The following GPC3 variants were observed in gnomAD, a reference collection of about 807,000 sequenced individuals.
GPC3 encodes the protein glypican 3, also known as glypican-3.
A neutral mutation model predicts 34.4 loss-of-function variants in GPC3; 3 were observed. The observed-to-expected ratio is 0.09, with a 90% confidence interval of 0.04 to 0.23. GPC3 has a LOEUF of 0.23. Ranked by LOEUF, GPC3 falls within the 10% of genes least tolerant of loss-of-function variation. The probability of loss-of-function intolerance (pLI) is 1.00; values close to 1 mark genes in which losing one functional copy is unlikely to be tolerated. For missense variants in GPC3, 351 were observed against 445.6 expected (o/e 0.79, Z 1.91); for synonymous variants, 177 against 174.0 (o/e 1.02, Z -0.13).
chrX:133,919,389 C>T (rs190163037), intron 2 of GPC3, among the ~76,000 whole-genome samples: 1 of 111,780 alleles, frequency 8.9e-6, no homozygotes, highest in African/African-American at 3.2e-5. Context: ...CATAATATTA[C>T]CAGAAATAAT....
rs1420021494 is a variant in GPC3, at chrX:133,867,612, C to T, written c.337+85438G>A. Among the ~76,000 whole-genome samples, 6 of 108,891 alleles carry T rather than the reference C, an allele frequency of 5.5e-5. No homozygotes were observed. The East Asian group carries it at 1.2e-3, about 21-fold the overall frequency. 94.6% of individuals were successfully genotyped at this position (108,891 alleles called of 115,157 possible). A position where few individuals can be genotyped will look rare whatever the true frequency, so the allele number is the denominator to read the frequency against. On this transcript the variant is annotated intron_variant, in intron 2 of 7. Coordinates refer to ENST00000370818, the MANE Select transcript of GPC3 (RefSeq NM_004484.4). Reference sequence around the variant, plus strand: ...AAAAGGAGACAGGGAAATACTGGGTCGGAGAGGCCGGTTCCCTGGCAAAGG... The same window carrying T: ...AAAAGGAGACAGGGAAATACTGGGTTGGAGAGGCCGGTTCCCTGGCAAAGG...
At chrX:133,626,052 C>G (rs2070295100) in intron 6 of GPC3, among the ~76,000 whole-genome samples, 1 of 111,760 alleles carries the variant, frequency 8.9e-6, no homozygotes, top group Non-Finnish European at 1.9e-5. Flanking sequence ...CTGACAAAAA[C>G]AAGAAATGGG....
intron 2 of GPC3, among the ~76,000 whole-genome samples, chrX:133,834,447 G>A (rs1039416775): frequency 3.6e-5 from 4 of 111,496 alleles, no homozygotes; most frequent in Admixed American, 1.9e-4. Context: ...AAATTTTATC[G>A]AACACCTACT....
chrX:133,971,269 G>T (rs748519918), intron 1 of GPC3, among the ~76,000 whole-genome samples: 8 of 112,527 alleles, frequency 7.1e-5, no homozygotes, highest in Non-Finnish European at 1.3e-4. Context: ...TATCTGTATA[G>T]AAAGCTTTTT....
At position 133,612,812 on chromosome X, in the gene GPC3, T is replaced by A. The variant is rs959350274; in HGVS notation, c.1414-16213A>T. 3.5e-5 allele frequency among the ~76,000 whole-genome samples: 4 copies of A among 112,706 alleles called. No individual in the cohort carries two copies. The East Asian group carries it at 1.1e-3, about 31-fold the overall frequency. ...AGACTGAGAATAAATGTCAGATTCC[T>A]TTGTCTGTTAATAGAAAATAATAAT... On this transcript the variant is annotated intron_variant, in intron 6 of 7. Transcript: ENST00000370818.
intron 2 of GPC3, among the ~76,000 whole-genome samples, chrX:133,903,567 C>T (rs2076155201): frequency 8.9e-6 from 1 of 112,031 alleles, no homozygotes. Context: ...CCAGCCTGGG[C>T]GACAAGAGCG....
chrX:133,605,891 A>T (rs750867681), intron 6 of GPC3, among the ~76,000 whole-genome samples: 1 of 111,848 alleles, frequency 8.9e-6, no homozygotes, highest in South Asian at 3.8e-4. Flanking sequence ...ACACACAGAG[A>T]TGTTTAATGA....
intron 2 of GPC3, among the ~76,000 whole-genome samples, chrX:133,817,635 T>C (rs1214150687): frequency 9.1e-6 from 1 of 109,651 alleles, no homozygotes; most frequent in Non-Finnish European, 1.9e-5. Context: ...TGGGGAAAGA[T>C]AGGCTTATTT....
intron 2 of GPC3, among the ~76,000 whole-genome samples, chrX:133,841,268 A>G (rs768961811): frequency 2.6e-5 from 2 of 77,707 alleles, no homozygotes; most frequent in South Asian, 1.6e-3. Flanking sequence ...TATGTTGCCT[A>G]GGCTTGGTCT....
At chrX:133,675,719 C>T (rs1365645714) in intron 5 of GPC3, among the ~76,000 whole-genome samples, 1 of 112,147 alleles carries the variant, frequency 8.9e-6, no homozygotes, top group African/African-American at 3.2e-5. Flanking sequence ...CTGGGCCCTT[C>T]GAGGTAAACC....
chrX:133,898,887 AT>A (rs1317514918), intron 2 of GPC3, among the ~76,000 whole-genome samples: 3 of 111,821 alleles, frequency 2.7e-5, no homozygotes, highest in Non-Finnish European at 5.6e-5. Context: ...ACCTGAAAAG[AT>A]TTCCGGACTA....
intron 6 of GPC3, among the ~76,000 whole-genome samples, chrX:133,654,152 G>A (rs1391303582): frequency 9.0e-6 from 1 of 111,424 alleles, no homozygotes; most frequent in East Asian, 2.8e-4. Context: ...TGACTGATCA[G>A]TCAATTAATT....
chrX:133,938,801 T>C (rs773134737), intron 2 of GPC3, among the ~76,000 whole-genome samples: 55 of 112,086 alleles, frequency 4.9e-4, no homozygotes, highest in Admixed American at 1.4e-3. Context: ...ATAAAAGACT[T>C]CTGACCGCCT....
chrX:133,605,123 A>G (rs1481433045), intron 6 of GPC3, among the ~76,000 whole-genome samples: 1 of 108,541 alleles, frequency 9.2e-6, no homozygotes, highest in Non-Finnish European at 1.9e-5. Context: ...TAAAGCCAGA[A>G]CCCAAATGTA....
rs769396731 is a variant in GPC3 at position 133,869,872 on chromosome X, A to G, written c.337+83178T>C. Among the ~76,000 whole-genome samples the G allele has an allele frequency of 1.2e-3, 134 of 112,148 alleles. 1 individual carries two copies. In the South Asian group the frequency reaches 0.035, roughly 29 times the overall value. ...TGGGAGGCTGAGGCAGGAGAATGGCATGAACCCAGGAGGCAGAGCTTGCAG... is the reference window on the plus strand; with the variant it reads ...TGGGAGGCTGAGGCAGGAGAATGGCGTGAACCCAGGAGGCAGAGCTTGCAG... On this transcript the variant is annotated intron_variant, in intron 2 of 7. Coordinates refer to ENST00000370818, the MANE Select transcript of GPC3 (RefSeq NM_004484.4).
chrX:133,598,387 C>T (rs2069943442), intron 6 of GPC3, among the ~76,000 whole-genome samples: 1 of 109,607 alleles, frequency 9.1e-6, no homozygotes, highest in Non-Finnish European at 1.9e-5. Flanking sequence ...AAAACACAAA[C>T]ATTTTTGAAT....
intron 2 of GPC3, among the ~76,000 whole-genome samples, chrX:133,784,310 C>G (rs1041308880): frequency 2.7e-5 from 3 of 111,800 alleles, no homozygotes; most frequent in African/African-American, 9.8e-5. Flanking sequence ...AGAAGTTACA[C>G]TTTAACTATT....
intron 2 of GPC3, among the ~76,000 whole-genome samples, chrX:133,754,938 C>T (rs1603240970): frequency 8.9e-6 from 1 of 112,119 alleles, no homozygotes; most frequent in East Asian, 2.8e-4. Flanking sequence ...GCCTTATCTG[C>T]TCTACAGAGA....
At chrX:133,948,824 A>G (rs761255511) in intron 2 of GPC3, among the ~76,000 whole-genome samples, 1 of 111,820 alleles carries the variant, frequency 8.9e-6, no homozygotes, top group South Asian at 3.8e-4. Flanking sequence ...CTGTTTGCAT[A>G]TATATCATCA....
Sources: gnomAD v4.1 joint callset for allele counts (sites outside exome capture counted in the v4.1 genomes callset) on GRCh38, gnomAD v4.1.1 for gene constraint, MANE v1.5 for transcripts, NCBI Gene and HGNC (gene_info 2026-07-23, HGNC 2026-07-21) for gene names.